The following DR1 variants were observed in gnomAD, a reference collection of about 807,000 sequenced individuals.
DR1 encodes down-regulator of transcription 1, also known as protein Dr1.
Under a neutral mutation model 19.9 loss-of-function variants are expected in DR1, and 7 were observed. The ratio of observed to expected loss-of-function variants is 0.35; its 90% confidence interval spans 0.20 to 0.66. The LOEUF (loss-of-function observed/expected upper bound fraction) is 0.66. DR1 is among the 30% of genes least tolerant of loss of function. DR1 has a pLI of 0.66. For missense variants in DR1, 98 were observed against 203.7 expected (o/e 0.48, Z 3.16); for synonymous variants, 76 against 72.5 (o/e 1.05, Z -0.24).
intron 2 of DR1, among the ~76,000 whole-genome samples, chr1:93,358,885 T>C (rs963591943): frequency 3.9e-5 from 6 of 152,214 alleles, no homozygotes; most frequent in Non-Finnish European, 7.3e-5. Context: ...GAAAATAGTA[T>C]TTCAGTTTGA....
rs1365108006 is a variant in DR1, at chr1:93,367,864, TA to T, written c.*7226del. The T allele has an allele frequency of 6.6e-6, 1 of 152,106 alleles. No homozygotes were observed. Among genetic ancestry groups the T allele is most frequent in the Non-Finnish European group, 1.5e-5 (1 of 68,042 alleles). The allele number at this position is 152,106 out of a possible 1,614,324, so 9.4% of individuals were successfully genotyped here. On this transcript the variant is annotated 3_prime_UTR_variant, in exon 3 of 3. Transcript: ENST00000370272. ...TCATCTGTGCTAAAATACAAAAAAT[TA>T]GCCAGGCTTGGTGGTGTGCACCTGT...
intron 1 of DR1, among the ~76,000 whole-genome samples, chr1:93,348,773 AT>A (rs1389278539): frequency 6.6e-6 from 1 of 151,988 alleles, no homozygotes; most frequent in Non-Finnish European, 1.5e-5. Context: ...TTCTTGTATT[AT>A]GCTATTCTTA....
intron 2 of DR1, among the ~76,000 whole-genome samples, chr1:93,354,610 C>CA (rs1666956662): frequency 6.6e-6 from 1 of 152,084 alleles, no homozygotes; most frequent in African/African-American, 2.4e-5. Flanking sequence ...TTCTCTGTTT[C>CA]AAAAAGAGAA....
Position 93,362,156 on chromosome 1 carries a change from A to G in DR1, c.*1517A>G, listed in dbSNP as rs1279349093. 6.6e-6 allele frequency: 1 copy of G among 152,458 alleles called. No homozygotes were observed. The highest frequency in any genetic ancestry group is 1.5e-5 in the Non-Finnish European group (1 of 67,898). 9.4% of individuals were successfully genotyped at this position (152,458 alleles called of 1,614,324 possible). A position where few individuals can be genotyped will look rare whatever the true frequency, so the allele number is the denominator to read the frequency against. Reference sequence around the variant, plus strand: ...ATTTTGCAGTTTTAGTAAAAGGGAAATATTGTTATACATTTATTAAATATA... The same window carrying G: ...ATTTTGCAGTTTTAGTAAAAGGGAAGTATTGTTATACATTTATTAAATATA... On this transcript the variant is annotated 3_prime_UTR_variant, in exon 3 of 3. Coordinates refer to ENST00000370272, the MANE Select transcript of DR1 (RefSeq NM_001938.3).
intron 1 of DR1, among the ~76,000 whole-genome samples, chr1:93,350,611 T>G (rs1666903307): frequency 6.6e-6 from 1 of 152,208 alleles, no homozygotes; most frequent in Non-Finnish European, 1.5e-5. Context: ...TAAGCCTATA[T>G]GAAGATTATT....
Position 93,365,795 on chromosome 1 carries a change from G to A in DR1, c.*5156G>A, listed in dbSNP as rs1465246055. 1 of 152,188 alleles carries A rather than the reference G, an allele frequency of 6.6e-6. No individual in the cohort carries two copies. The highest frequency in any genetic ancestry group is 1.9e-4 in the East Asian group (1 of 5,204). 9.4% of individuals were successfully genotyped at this position (152,188 alleles called of 1,614,324 possible). On this transcript the variant is annotated 3_prime_UTR_variant, in exon 3 of 3. Transcript: ENST00000370272. The stretch of plus-strand genomic sequence containing the variant: ...ATCCCTTTACCCGATAGGACCTAGA[G>A]CAGCCATTATAAATCTCTGTACCTG...
chr1:93,349,726 A>T (rs1002428132), intron 1 of DR1, among the ~76,000 whole-genome samples: 34 of 152,128 alleles, frequency 2.2e-4, no homozygotes, highest in Non-Finnish European at 1.0e-4. Context: ...AGGAATTTTT[A>T]AAAAATTCCT....
In DR1 at chr1:93,364,797, T is replaced by A. The variant is rs1570715605; in HGVS notation, c.*4158T>A. The A allele has an allele frequency of 1.3e-5, 2 of 150,586 alleles. No homozygotes were observed. The highest frequency in any genetic ancestry group is 2.4e-5 in the African/African-American group (1 of 40,998). 9.3% of individuals were successfully genotyped at this position (150,586 alleles called of 1,614,324 possible). On this transcript the variant is annotated 3_prime_UTR_variant, in exon 3 of 3. Coordinates refer to ENST00000370272, the MANE Select transcript of DR1 (RefSeq NM_001938.3). The stretch of plus-strand genomic sequence containing the variant: ...GAGGAAGAAACTTTTTTTTTTTTTT[T>A]AAAGAAACAGGGTCTCACTATGTTT...
rs1666835582 is a variant in DR1 at position 93,346,286 on chromosome 1, G to C, written c.-360G>C. Reference sequence around the variant, plus strand: ...GCCAGTGCCCCTGGATCTTGCCTCTGCTCCGACGCCGTTGGGGACCAGTTA... The same window carrying C: ...GCCAGTGCCCCTGGATCTTGCCTCTCCTCCGACGCCGTTGGGGACCAGTTA... On this transcript the variant is annotated 5_prime_UTR_variant, in exon 1 of 3. Transcript: ENST00000370272. 1 of 312,972 alleles carries C rather than the reference G, an allele frequency of 3.2e-6. No homozygotes were observed. Among genetic ancestry groups the C allele is most frequent in the African/African-American group, 2.2e-5 (1 of 45,958 alleles). The allele number at this position is 312,972 out of a possible 1,614,324, so 19.4% of individuals were successfully genotyped here. A position where few individuals can be genotyped will look rare whatever the true frequency, so the allele number is the denominator to read the frequency against.
At chr1:93,357,702 T>C (rs1444264511) in intron 2 of DR1, among the ~76,000 whole-genome samples, 2 of 152,136 alleles carry the variant, frequency 1.3e-5, no homozygotes, top group Admixed American at 6.5e-5. Context: ...AATGTAGACC[T>C]CTTCCTTTAT....
intron 1 of DR1, among the ~76,000 whole-genome samples, chr1:93,347,108 A>G (rs1342481638): frequency 6.6e-6 from 1 of 152,236 alleles, no homozygotes; most frequent in Non-Finnish European, 1.5e-5. Flanking sequence ...CCCAAAACGT[A>G]AAGAATAAGA....
rs1352556998 is a variant in DR1 at position 93,363,326 on chromosome 1, GT to G, written c.*2690del. ...ATTCATCATTTTTGTGAATATTTTA[GT>G]TTCTTGTTGCCACTGTAACAAACTA... On this transcript the variant is annotated 3_prime_UTR_variant, in exon 3 of 3. Coordinates refer to ENST00000370272, the MANE Select transcript of DR1 (RefSeq NM_001938.3). 1 of 151,962 alleles carries G rather than the reference GT, an allele frequency of 6.6e-6. No individual in the cohort carries two copies. Among genetic ancestry groups the G allele is most frequent in the African/African-American group, 2.4e-5 (1 of 41,334 alleles). The allele number at this position is 151,962 out of a possible 1,614,324, so 9.4% of individuals were successfully genotyped here. A position where few individuals can be genotyped will look rare whatever the true frequency, so the allele number is the denominator to read the frequency against.
chr1:93,355,360 G>C lies in DR1; in HGVS notation c.384+1289G>C, dbSNP rs74561186. On this transcript the variant is annotated intron_variant, in intron 2 of 2. Transcript: ENST00000370272. ...TGCTAGGTGCTAGGCTTACAAGAGT[G>C]AACAAGGAGACAGGGTTCCTGTCAT... 3.2e-4 allele frequency: 48 copies of C among 152,298 alleles called. No homozygotes were observed. The East Asian group carries it at 8.3e-3, about 26-fold the overall frequency. The allele number at this position is 152,298 out of a possible 1,614,324, so 9.4% of individuals were successfully genotyped here. A position where few individuals can be genotyped will look rare whatever the true frequency, so the allele number is the denominator to read the frequency against.
At chr1:93,350,507 A>G (rs2101635675) in intron 1 of DR1, among the ~76,000 whole-genome samples, 1 of 152,320 alleles carries the variant, frequency 6.6e-6, no homozygotes, top group South Asian at 2.1e-4. Context: ...TTACAAATGA[A>G]AAACATGTTT....
chr1:93,368,678 G>T lies in DR1; in HGVS notation c.*8039G>T, dbSNP rs564907907. 25 of 152,154 alleles carry T rather than the reference G, an allele frequency of 1.6e-4. No individual in the cohort carries two copies. Among genetic ancestry groups the T allele is most frequent in the Non-Finnish European group, 2.8e-4 (19 of 68,022 alleles). The allele number at this position is 152,154 out of a possible 1,614,324, so 9.4% of individuals were successfully genotyped here. On this transcript the variant is annotated 3_prime_UTR_variant, in exon 3 of 3. Transcript: ENST00000370272. ...CCATGTAGTAGGGTGTAGTAGTGTG[G>T]TTAAGCTATGAAGAACAATGGTATT...
intron 1 of DR1, among the ~76,000 whole-genome samples, chr1:93,348,479 T>C (rs1219071090): frequency 2.6e-5 from 4 of 152,094 alleles, no homozygotes; most frequent in Non-Finnish European, 5.9e-5. Context: ...ACTACAGAAG[T>C]GGGGATCGTT....
In DR1 at chr1:93,368,094, T is replaced by A. The variant is rs1196186070; in HGVS notation, c.*7455T>A. ...CAATGAGGATCAACTCTTTTTGTAA[T>A]AGTTTTTTTACATATGTTATTTCAT... On this transcript the variant is annotated 3_prime_UTR_variant, in exon 3 of 3. Coordinates refer to ENST00000370272, the MANE Select transcript of DR1 (RefSeq NM_001938.3). 1.3e-5 allele frequency: 2 copies of A among 152,226 alleles called. No homozygotes were observed. Among genetic ancestry groups the A allele is most frequent in the Non-Finnish European group, 2.9e-5 (2 of 68,046 alleles). 9.4% of individuals were successfully genotyped at this position (152,226 alleles called of 1,614,324 possible).
At chr1:93,360,363 C>A in intron 2 of DR1, 130 bp from the exon 3 acceptor site, 1 of 774,824 alleles carries the variant, frequency 1.3e-6, no homozygotes, top group Non-Finnish European at 1.9e-6. Flanking sequence ...GTGACAATTA[C>A]ATAGTACTTG....
At position 93,361,330 on chromosome 1, in the gene DR1, A is replaced by C. The variant is rs935786211; in HGVS notation, c.*691A>C. Reference sequence around the variant, plus strand: ...TACAGCATAATTCATTTTGAGCTCCACTATGACATTTCAAAGACTGCCCAG... The same window carrying C: ...TACAGCATAATTCATTTTGAGCTCCCCTATGACATTTCAAAGACTGCCCAG... On this transcript the variant is annotated 3_prime_UTR_variant, in exon 3 of 3. Coordinates refer to ENST00000370272, the MANE Select transcript of DR1 (RefSeq NM_001938.3). 15 of 152,586 alleles carry C rather than the reference A, an allele frequency of 9.8e-5. No homozygotes were observed. Among genetic ancestry groups the C allele is most frequent in the African/African-American group, 3.6e-4 (15 of 41,448 alleles). The allele number at this position is 152,586 out of a possible 1,614,324, so 9.5% of individuals were successfully genotyped here.
Sources: allele counts gnomAD v4.1 joint callset (sites outside exome capture counted in the v4.1 genomes callset), GRCh38; gene constraint gnomAD v4.1.1; transcripts MANE v1.5; gene names NCBI Gene and HGNC (gene_info 2026-07-23, HGNC 2026-07-21).